TAFA2: variants seen among roughly 807,000 people sequenced by gnomAD.
The protein encoded by TAFA2 is chemokine-like protein TAFA-2.
TAFA2 carries 7 observed loss-of-function variants against 18.8 expected under a neutral mutation model. The observed-to-expected ratio is 0.37, with a 90% CI of 0.21 to 0.70. The LOEUF (loss-of-function observed/expected upper bound fraction) is 0.70, where lower values mean the gene tolerates loss of function less well. Ranked by LOEUF, TAFA2 falls within the 30% of genes least tolerant of loss-of-function variation. The pLI is 0.53. For missense variants in TAFA2, 122 were observed against 158.1 expected (o/e 0.77, Z 1.23); for synonymous variants, 60 against 54.2 (o/e 1.11, Z -0.47).
intron 2 of TAFA2, among the ~76,000 whole-genome samples, chr12:61,834,904 T>C (rs1872858102): frequency 6.6e-6 from 1 of 152,052 alleles, no homozygotes; most frequent in Admixed American, 6.6e-5. Flanking sequence ...ATATAATTTA[T>C]ATCTTTCATG....
chr12:62,071,100 C>T (rs1320019420), intron 1 of TAFA2, among the ~76,000 whole-genome samples: 4 of 152,138 alleles, frequency 2.6e-5, no homozygotes, highest in Non-Finnish European at 5.9e-5. Context: ...ACTGTGAATA[C>T]AGTGATGAAG....
intron 4 of TAFA2, among the ~76,000 whole-genome samples, chr12:61,731,813 C>T (rs959199040): frequency 9.9e-5 from 15 of 152,034 alleles, no homozygotes; most frequent in African/African-American, 3.6e-4. Flanking sequence ...AAGAAATAGT[C>T]TGGGGAAAAG....
intron 1 of TAFA2, among the ~76,000 whole-genome samples, chr12:61,990,923 A>G (rs1879987741): frequency 2.6e-5 from 4 of 152,248 alleles, no homozygotes; most frequent in Non-Finnish European, 4.4e-5. Context: ...CAAGTGAAAT[A>G]TAATTTGGAG....
At chr12:62,093,204 C>T (rs1019376516) in intron 1 of TAFA2, among the ~76,000 whole-genome samples, 7 of 151,920 alleles carry the variant, frequency 4.6e-5, no homozygotes, top group African/African-American at 1.7e-4. Context: ...GGAGCACAAA[C>T]TTGCAACAAT....
chr12:61,852,581 T>G (rs1873720187), intron 2 of TAFA2, among the ~76,000 whole-genome samples: 1 of 152,150 alleles, frequency 6.6e-6, no homozygotes, highest in Non-Finnish European at 1.5e-5. Flanking sequence ...AGTCCAAAAT[T>G]AAATGCACAT....
At chr12:62,119,030 A>G (rs1222176192) in intron 1 of TAFA2, among the ~76,000 whole-genome samples, 1 of 152,158 alleles carries the variant, frequency 6.6e-6, no homozygotes, top group Non-Finnish European at 1.5e-5. Flanking sequence ...CCTAAAAACC[A>G]TTCATCTGGA....
At chr12:61,919,529 A>G (rs1291651218) in intron 1 of TAFA2, among the ~76,000 whole-genome samples, 1 of 152,200 alleles carries the variant, frequency 6.6e-6, no homozygotes, top group Non-Finnish European at 1.5e-5. Context: ...CCTAAGTTCC[A>G]TGTCTATATC....
At chr12:61,881,301 C>T (rs922741708) in intron 1 of TAFA2, among the ~76,000 whole-genome samples, 4 of 152,000 alleles carry the variant, frequency 2.6e-5, no homozygotes, top group Admixed American at 6.6e-5. Context: ...ATGTGTGAAC[C>T]TCATAGAGTG....
chr12:61,985,567 T>C (rs1026071918), intron 1 of TAFA2, among the ~76,000 whole-genome samples: 4 of 152,206 alleles, frequency 2.6e-5, no homozygotes, highest in Non-Finnish European at 5.9e-5. Context: ...AGTCACACTC[T>C]CCCCTGTTCG....
intron 2 of TAFA2, among the ~76,000 whole-genome samples, chr12:61,845,998 T>C (rs1392486615): frequency 6.6e-6 from 1 of 152,188 alleles, no homozygotes; most frequent in Non-Finnish European, 1.5e-5. Flanking sequence ...TAAAATAAGC[T>C]TTTATTCAGC....
intron 1 of TAFA2, among the ~76,000 whole-genome samples, chr12:62,038,896 A>T (rs1306258819): frequency 3.3e-5 from 5 of 152,172 alleles, no homozygotes; most frequent in African/African-American, 1.2e-4. Flanking sequence ...TAAAATTCTC[A>T]GGAAAAAATA....
chr12:61,902,621 A>G (rs1876155614), intron 1 of TAFA2, among the ~76,000 whole-genome samples: 1 of 152,142 alleles, frequency 6.6e-6, no homozygotes, highest in Admixed American at 6.5e-5. Context: ...GCAGCACCTC[A>G]GGCCCTGTTA....
intron 1 of TAFA2, among the ~76,000 whole-genome samples, chr12:62,068,426 C>T (rs575059101): frequency 3.9e-4 from 59 of 152,222 alleles, no homozygotes; most frequent in Admixed American, 6.5e-4. Context: ...AGATGGTATT[C>T]ATTCTCTTTT....
chr12:62,154,176 G>C (rs565290510), intron 1 of TAFA2, among the ~76,000 whole-genome samples: 1 of 152,222 alleles, frequency 6.6e-6, no homozygotes, highest in African/African-American at 2.4e-5. Flanking sequence ...AAGGGCTGCT[G>C]GAGTTGGTTT....
At chr12:61,991,836 C>T (rs1040517167) in intron 1 of TAFA2, among the ~76,000 whole-genome samples, 12 of 152,192 alleles carry the variant, frequency 7.9e-5, no homozygotes, top group African/African-American at 2.9e-4. Context: ...CATTGCCAAG[C>T]CCAACTGTCA....
rs369333739 is a variant in TAFA2, at chr12:61,752,815, A to T, written c.384+807T>A. On this transcript the variant is annotated intron_variant, in intron 4 of 4. Coordinates refer to ENST00000416284, the MANE Select transcript of TAFA2 (RefSeq NM_178539.5). ...AGTCTCTACTTTTATGTTACTTTTT[A>T]TAAAACATCAATTTATACCATTACT... 1.1e-4 allele frequency among the ~76,000 whole-genome samples: 16 copies of T among 152,174 alleles called. No homozygotes were observed. The East Asian group carries it at 2.7e-3, about 26-fold the overall frequency.
intron 4 of TAFA2, among the ~76,000 whole-genome samples, chr12:61,741,952 G>A (rs879629152): frequency 3.9e-5 from 6 of 151,982 alleles, no homozygotes; most frequent in Non-Finnish European, 7.4e-5. Context: ...GTTGGAGTGC[G>A]ATGGTGAAAT....
upstream of TAFA2, among the ~76,000 whole-genome samples, chr12:62,193,191 G>A (rs931823359): frequency 1.3e-5 from 2 of 152,126 alleles, no homozygotes; most frequent in African/African-American, 4.8e-5. Flanking sequence ...CCTTAATCTA[G>A]TGATTAGAAG....
intron 2 of TAFA2, among the ~76,000 whole-genome samples, chr12:61,855,487 C>A (rs1432516195): frequency 2.0e-5 from 3 of 152,020 alleles, no homozygotes; most frequent in Non-Finnish European, 4.4e-5. Flanking sequence ...TGATCCAGAA[C>A]AACAGGGGTG....
Sources: gnomAD v4.1 joint callset for allele counts (sites outside exome capture counted in the v4.1 genomes callset) on GRCh38, gnomAD v4.1.1 for gene constraint, MANE v1.5 for transcripts, NCBI Gene and HGNC (gene_info 2026-07-23, HGNC 2026-07-21) for gene names.